Variants in SOX5 observed in about 807,000 individuals in gnomAD.
SOX5 encodes the protein transcription factor SOX-5.
Under a neutral mutation model 92.0 loss-of-function variants are expected in SOX5, and 9 were observed. That is an observed-to-expected ratio of 0.10 (90% CI 0.06 to 0.17). The LOEUF is 0.17. SOX5 is among the 10% of genes least tolerant of loss of function. The pLI, the probability that SOX5 is intolerant of heterozygous loss-of-function variation, is 1.00. For synonymous variants in SOX5, 344 were observed against 336.3 expected (o/e 1.02, Z -0.25); for missense variants, 642 against 944.5 (o/e 0.68, Z 4.20).
intron 4 of SOX5, among the ~76,000 whole-genome samples, chr12:23,993,880 T>TGC (rs757675238): frequency 0.017 from 2,592 of 150,256 alleles, 31 homozygotes; most frequent in Non-Finnish European, 0.028. Flanking sequence ...TGTATGTATG[T>TGC]ATGTATGTAT....
intron 1 of SOX5, among the ~76,000 whole-genome samples, chr12:24,446,923 A>G (rs1177210574): frequency 6.6e-6 from 1 of 152,198 alleles, no homozygotes; most frequent in Non-Finnish European, 1.5e-5. Flanking sequence ...GGAGCTCCCA[A>G]TGGCCAAAGC....
chr12:23,796,104 C>A (rs988141838), intron 3 of SOX5, among the ~76,000 whole-genome samples: 37 of 152,100 alleles, frequency 2.4e-4, no homozygotes, highest in Non-Finnish European at 5.1e-4. Context: ...AACTACAACT[C>A]AGTTATGATG....
chr12:24,109,045 T>A (rs1947018603), intron 4 of SOX5, among the ~76,000 whole-genome samples: 1 of 152,170 alleles, frequency 6.6e-6, no homozygotes, highest in South Asian at 2.1e-4. Context: ...AATAGTAGCA[T>A]ATTTGAAACC....
At chr12:23,652,839 G>C (rs1419825356) in intron 7 of SOX5, among the ~76,000 whole-genome samples, 1 of 151,956 alleles carries the variant, frequency 6.6e-6, no homozygotes, top group East Asian at 1.9e-4. Context: ...TCTCTCTCTA[G>C]TTTCCAGTAG....
intron 3 of SOX5, among the ~76,000 whole-genome samples, chr12:23,767,989 G>C (rs2094795573): frequency 6.6e-6 from 1 of 152,090 alleles, no homozygotes; most frequent in South Asian, 2.1e-4. Flanking sequence ...AGGAACAATA[G>C]CAGGTGGGGG....
intron 2 of SOX5, among the ~76,000 whole-genome samples, chr12:23,863,958 T>A (rs1347088321): frequency 2.6e-5 from 4 of 151,710 alleles, no homozygotes; most frequent in African/African-American, 9.7e-5. Context: ...GCACTCTGCT[T>A]TACTGTGCTC....
chr12:24,028,129 G>A (rs1364572090), intron 4 of SOX5, among the ~76,000 whole-genome samples: 1 of 151,966 alleles, frequency 6.6e-6, no homozygotes, highest in Non-Finnish European at 1.5e-5. Context: ...CCTAGATTAT[G>A]ACACTTCCCT....
chr12:24,244,604 C>G lies in SOX5; in HGVS notation c.-76-31187G>C, dbSNP rs538142561. Among the ~76,000 whole-genome samples the G allele has an allele frequency of 3.9e-5, 6 of 152,358 alleles. No individual in the cohort carries two copies. The South Asian group carries it at 1.2e-3, about 32-fold the overall frequency. On this transcript the variant is annotated intron_variant, in intron 3 of 4. Transcript: ENST00000446891. The stretch of plus-strand genomic sequence containing the variant: ...TGGTGAGGCACTATTGTGCCATCCT[C>G]CCTGGAAATTTGGAGAGATTAGATA...
intron 3 of SOX5, among the ~76,000 whole-genome samples, chr12:23,810,972 TG>T (rs2095866232): frequency 1.3e-5 from 2 of 152,146 alleles, no homozygotes; most frequent in South Asian, 4.1e-4. Flanking sequence ...GCATTTCAAA[TG>T]GTTGCCAAAA....
chr12:24,101,475 T>C (rs1946088193), intron 4 of SOX5, among the ~76,000 whole-genome samples: 1 of 152,152 alleles, frequency 6.6e-6, no homozygotes. Flanking sequence ...TTTAACTTAA[T>C]TATTGTCTAC....
chr12:23,557,144 C>A (rs1312359422), intron 11 of SOX5, among the ~76,000 whole-genome samples: 1 of 152,138 alleles, frequency 6.6e-6, no homozygotes, highest in Non-Finnish European at 1.5e-5. Context: ...GGACGAGTTT[C>A]CAAGTGCCAG....
At chr12:24,305,398 G>C (rs952599604) in intron 2 of SOX5, among the ~76,000 whole-genome samples, 1 of 152,142 alleles carries the variant, frequency 6.6e-6, no homozygotes, top group Non-Finnish European at 1.5e-5. Flanking sequence ...AGAGATGGGG[G>C]TTCATGAATC....
chr12:24,414,198 T>A (rs1270228406), intron 1 of SOX5, among the ~76,000 whole-genome samples: 1 of 152,208 alleles, frequency 6.6e-6, no homozygotes, highest in Non-Finnish European at 1.5e-5. Flanking sequence ...CTGAAATGTA[T>A]CCCAGTATTA....
chr12:24,195,080 C>A (rs2139455268), intron 4 of SOX5, among the ~76,000 whole-genome samples: 1 of 151,040 alleles, frequency 6.6e-6, no homozygotes, highest in East Asian at 1.9e-4. Context: ...TTAAGCGATT[C>A]TTTTCCCTAA....
intron 3 of SOX5, among the ~76,000 whole-genome samples, chr12:23,759,101 C>A (rs924834435): frequency 7.3e-5 from 11 of 150,316 alleles, no homozygotes; most frequent in African/African-American, 2.0e-4. Flanking sequence ...AGTTCTGGAT[C>A]GTAGGAAAAA....
intron 1 of SOX5, among the ~76,000 whole-genome samples, chr12:24,394,841 C>T (rs1254336666): frequency 6.6e-6 from 1 of 152,202 alleles, no homozygotes; most frequent in Non-Finnish European, 1.5e-5. Flanking sequence ...GTTCAATTTG[C>T]TCCCAATCAT....
chr12:24,482,863 A>G (rs910112457), intron 1 of SOX5, among the ~76,000 whole-genome samples: 1 of 152,230 alleles, frequency 6.6e-6, no homozygotes, highest in Non-Finnish European at 1.5e-5. Flanking sequence ...TCTCACTGAT[A>G]GATGTATGTT....
intron 3 of SOX5, among the ~76,000 whole-genome samples, chr12:24,223,773 AAAC>A (rs1961125048): frequency 1.3e-5 from 2 of 152,048 alleles, no homozygotes; most frequent in African/African-American, 4.8e-5. Context: ...ACAAAAACAA[AAAC>A]AAAAAACAAC....
chr12:24,537,706 A>C (rs1951760717), intron 1 of SOX5, among the ~76,000 whole-genome samples: 1 of 152,226 alleles, frequency 6.6e-6, no homozygotes. Context: ...TAATTCCTCC[A>C]TTCAAATACT....
Sources: gnomAD v4.1 joint callset for allele counts (sites outside exome capture counted in the v4.1 genomes callset) on GRCh38, gnomAD v4.1.1 for gene constraint, MANE v1.5 for transcripts, NCBI Gene and HGNC (gene_info 2026-07-23, HGNC 2026-07-21) for gene names.